NMRAL1: variants seen among roughly 807,000 people sequenced by gnomAD.
The protein encoded by NMRAL1 is nmrA-like family domain-containing protein 1.
NMRAL1 carries 32 observed loss-of-function variants against 27.5 expected under a neutral mutation model. The observed-to-expected ratio is 1.16, with a 90% CI of 0.88 to 1.56. NMRAL1 has a LOEUF of 1.56. Among genes scored for constraint, NMRAL1 ranks in the 40% most tolerant of loss-of-function variants. The probability of loss-of-function intolerance (pLI) is 0.00; values close to 1 mark genes in which losing one functional copy is unlikely to be tolerated. For synonymous variants in NMRAL1, 166 were observed against 166.8 expected (o/e 1.00, Z 0.04); for missense variants, 420 against 392.0 (o/e 1.07, Z -0.60).
intron 2 of NMRAL1, among the ~76,000 whole-genome samples, chr16:4,473,686 G>C (rs2057690843): frequency 1.3e-5 from 2 of 152,044 alleles, no homozygotes; most frequent in Admixed American, 6.6e-5. Flanking sequence ...CTGCACTTTG[G>C]GAGGCCGAGG....
intron 2 of NMRAL1, among the ~76,000 whole-genome samples, chr16:4,470,298 C>G (rs2057511179): frequency 6.6e-6 from 1 of 150,702 alleles, no homozygotes; most frequent in Admixed American, 6.6e-5. Flanking sequence ...GGAGAAACCA[C>G]TGTCTCTACT....
At chr16:4,472,959 G>T (rs900980356) in intron 2 of NMRAL1, among the ~76,000 whole-genome samples, 2 of 151,360 alleles carry the variant, frequency 1.3e-5, no homozygotes, top group Non-Finnish European at 2.9e-5. Flanking sequence ...AACTGTTCAC[G>T]GGTTCATGGA....
At chr16:4,468,749 G>A (rs2057428593) in intron 3 of NMRAL1, among the ~76,000 whole-genome samples, 3 of 152,034 alleles carry the variant, frequency 2.0e-5, no homozygotes, top group Admixed American at 2.0e-4. Flanking sequence ...GGGTACACGT[G>A]GACATGAAGG....
chr16:4,475,609 G>C (rs1365602638), upstream of NMRAL1, among the ~76,000 whole-genome samples: 1 of 151,744 alleles, frequency 6.6e-6, no homozygotes, highest in African/African-American at 2.4e-5. Flanking sequence ...ACCACACCCG[G>C]CCCACGATTT....
intron 3 of NMRAL1, among the ~76,000 whole-genome samples, chr16:4,468,753 A>G (rs4785966): frequency 0.63 from 96,304 of 151,874 alleles, 32,186 homozygotes; most frequent in Non-Finnish European, 0.74. Flanking sequence ...ACACGTGGAC[A>G]TGAAGGCAAC....
At chr16:4,469,053 G>C (rs955502919) in intron 3 of NMRAL1, among the ~76,000 whole-genome samples, 174 bp downstream of exon 3, 2 of 151,534 alleles carry the variant, frequency 1.3e-5, no homozygotes, top group Non-Finnish European at 2.9e-5. Flanking sequence ...CAAAAAAAAA[G>C]TAATTGGATG....
chr16:4,465,702 C>A (rs538485040), intron 4 of NMRAL1, among the ~76,000 whole-genome samples: 1 of 152,062 alleles, frequency 6.6e-6, no homozygotes, highest in South Asian at 2.1e-4. Context: ...TAGTAGCTGC[C>A]AGTACAGGTG....
At chr16:4,474,037 T>C in intron 2 of NMRAL1, 56 bp downstream of exon 2, 4 of 1,429,384 alleles carry the variant, frequency 2.8e-6, no homozygotes, top group Non-Finnish European at 3.9e-6. Context: ...GGACGGGCGG[T>C]CTTCAGGGCT....
intron 2 of NMRAL1, among the ~76,000 whole-genome samples, chr16:4,473,391 G>A (rs968302770): frequency 7.2e-5 from 11 of 152,058 alleles, no homozygotes; most frequent in South Asian, 2.1e-4. Flanking sequence ...TGTATAGTAC[G>A]TGAATTATAT....
In NMRAL1 at chr16:4,461,725, T is replaced by C. The variant is rs1169608533; in HGVS notation, c.*55A>G. On this transcript the variant is annotated 3_prime_UTR_variant, in exon 6 of 6. Coordinates refer to ENST00000283429, the MANE Select transcript of NMRAL1 (RefSeq NM_020677.6). Reference sequence around the variant, plus strand: ...AACAATGGCTTTATTCAGATGTTGGTGCCTCTGCCCCTCTGGTGCCCCCGA... The same window carrying C: ...AACAATGGCTTTATTCAGATGTTGGCGCCTCTGCCCCTCTGGTGCCCCCGA... 21 of 1,484,120 alleles carry C rather than the reference T, an allele frequency of 1.4e-5. No individual in the cohort carries two copies. The highest frequency in any genetic ancestry group is 4.2e-5 in the Admixed American group (2 of 47,382). The allele number at this position is 1,484,120 out of a possible 1,614,324, so 91.9% of individuals were successfully genotyped here.
At chr16:4,466,437 G>T in intron 3 of NMRAL1, 35 bp from the exon 4 acceptor site, 1 of 1,599,566 alleles carries the variant, frequency 6.3e-7, no homozygotes, top group South Asian at 1.1e-5. Context: ...ACAAGGCTCA[G>T]AAGAAGGATG....
At chr16:4,469,697 C>T (rs1336940457) in intron 2 of NMRAL1, 8 of 809,946 alleles carry the variant, frequency 9.9e-6, no homozygotes, top group African/African-American at 1.7e-5. Flanking sequence ...GAAACCCCGC[C>T]TCTATCAAAA....
intron 2 of NMRAL1, chr16:4,471,505 G>A (rs376571767): frequency 2.0e-5 from 3 of 151,172 alleles, no homozygotes; most frequent in African/African-American, 7.3e-5. Context: ...TGTAGTCCCA[G>A]CTACCAGGGA....
At chr16:4,466,480 C>T (rs973870183) in intron 3 of NMRAL1, 78 bp from the exon 4 acceptor site, 1 of 1,469,574 alleles carries the variant, frequency 6.8e-7, no homozygotes, top group Non-Finnish European at 9.3e-7. Flanking sequence ...GCATTCTAAT[C>T]CCGGAGCGGC....
intron 4 of NMRAL1, among the ~76,000 whole-genome samples, chr16:4,465,275 C>T (rs2057277497): frequency 6.6e-6 from 1 of 152,174 alleles, no homozygotes; most frequent in Admixed American, 6.6e-5. Flanking sequence ...ACTTGGCCCG[C>T]CAGGTGAGCA....
rs1338012388 is a variant in NMRAL1, at chr16:4,469,291, G to A, written c.215C>T (p.Ala72Val). ...ATTGGTCACGATGAAGGTGGCGTAA[G>A]CCCCATTCAGGGCCAGCTCCATGAT... ...QVIMELALNG[A>V]YATFIVTNYW... The change falls in exon 3 of 6, where the codon GCT becomes GTT. Residue 72 changes from alanine to valine, a missense_variant. By Grantham distance (64) the Ala-to-Val change is moderately conservative (BLOSUM62 0). Transcript: ENST00000283429. 1.9e-6 allele frequency: 3 copies of A among 1,614,170 alleles called. No homozygotes were observed. The highest frequency in any genetic ancestry group is 1.1e-5 in the South Asian group (1 of 91,088).
intron 2 of NMRAL1, among the ~76,000 whole-genome samples, chr16:4,472,928 GGA>G (rs2141465841): frequency 6.6e-6 from 1 of 151,846 alleles, no homozygotes; most frequent in African/African-American, 2.4e-5. Flanking sequence ...GGGTTGGCTG[GGA>G]GGAGTAAGAA....
At chr16:4,469,741 C>T (rs11862489) in intron 2 of NMRAL1, 32,622 of 494,326 alleles carry the variant, frequency 0.066, 2,936 homozygotes, top group African/African-American at 0.3. Flanking sequence ...AAGGCACATG[C>T]CTGTACTCCC....
At chr16:4,471,100 C>CT (rs1596403506) in intron 2 of NMRAL1, among the ~76,000 whole-genome samples, 1 of 151,966 alleles carries the variant, frequency 6.6e-6, no homozygotes, top group Non-Finnish European at 1.5e-5. Context: ...CAGTGAGACT[C>CT]TGTCTCAAAA....
Sources: allele counts gnomAD v4.1 joint callset (sites outside exome capture counted in the v4.1 genomes callset), GRCh38; gene constraint gnomAD v4.1.1; transcripts MANE v1.5; gene names NCBI Gene and HGNC (gene_info 2026-07-23, HGNC 2026-07-21).